PUM1: variants seen among roughly 807,000 people sequenced by gnomAD.
PUM1 encodes the protein pumilio homolog 1.
PUM1 carries 13 observed loss-of-function variants against 131.8 expected under a neutral mutation model. That is an observed-to-expected ratio of 0.10 (90% CI 0.06 to 0.16). The LOEUF (loss-of-function observed/expected upper bound fraction) is 0.16, where lower values mean the gene tolerates loss of function less well. Among genes scored for constraint, PUM1 ranks in the 10% least tolerant of loss-of-function variants. The pLI is 1.00. For missense variants in PUM1, 961 were observed against 1,512.4 expected (o/e 0.64, Z 6.05); for synonymous variants, 509 against 556.5 (o/e 0.91, Z 1.20).
chr1:31,056,262 CAAAG>C (rs993855091), intron 2 of PUM1, among the ~76,000 whole-genome samples: 1 of 151,972 alleles, frequency 6.6e-6, no homozygotes, highest in Non-Finnish European at 1.5e-5. Flanking sequence ...ATCTTCATCC[CAAAG>C]AAAGAGAAAA....
At chr1:31,004,611 T>G (rs1642334731) in intron 5 of PUM1, among the ~76,000 whole-genome samples, 1 of 152,188 alleles carries the variant, frequency 6.6e-6, no homozygotes, top group African/African-American at 2.4e-5. Context: ...AAACCTGACC[T>G]AGGTCTCTGC....
At chr1:30,954,051 T>G in intron 14 of PUM1, 70 bp from the exon 15 acceptor site, 1 of 1,474,250 alleles carries the variant, frequency 6.8e-7, no homozygotes, top group Non-Finnish European at 9.3e-7. Context: ...AAAAAAGCAT[T>G]CCCACACCCG....
At chr1:30,975,920 T>TA (rs940435228) in intron 9 of PUM1, among the ~76,000 whole-genome samples, 117 of 151,610 alleles carry the variant, frequency 7.7e-4, no homozygotes, top group Middle Eastern at 3.4e-3. Flanking sequence ...CCATCTCTAC[T>TA]AAAAAAATAT....
chr1:30,978,185 A>G (rs1641216024), intron 9 of PUM1, among the ~76,000 whole-genome samples: 1 of 152,054 alleles, frequency 6.6e-6, no homozygotes, highest in Non-Finnish European at 1.5e-5. Context: ...AGAGGCAGAG[A>G]CTGCAGTGAG....
intron 2 of PUM1, among the ~76,000 whole-genome samples, chr1:31,046,163 G>T (rs1570346454): frequency 6.6e-6 from 1 of 151,788 alleles, no homozygotes. Context: ...AAGGTGGGCA[G>T]ATCACCTGAG....
chr1:30,967,045 A>T, intron 12 of PUM1, 122 bp downstream of exon 12: 1 of 1,199,826 alleles, frequency 8.3e-7, no homozygotes, highest in Non-Finnish European at 1.2e-6. Flanking sequence ...TTTTTGAAAC[A>T]TTACAGGGTA....
At position 30,992,653 on chromosome 1, in the gene PUM1, G is replaced by T. The variant is rs1158133157; in HGVS notation, c.895C>A (p.Pro299Thr). ...DADVKDFSRT[P>T]GNCQNSANEV... ...TTAGCAGAGTTCTGGCAATTACCAG[G>T]GGTACGGCTAAACAGAGAAAGTAAA... is the stretch of plus-strand genomic sequence containing the variant. The change falls in exon 7 of 22, where the codon CCT becomes ACT. Residue 299 changes from proline to threonine, a missense_variant. Physicochemically the swap from Pro to Thr is conservative, Grantham distance 38 (BLOSUM62 -1). Coordinates refer to ENST00000426105, the MANE Select transcript of PUM1 (RefSeq NM_001020658.2). 2 of 1,612,816 alleles carry T rather than the reference G, an allele frequency of 1.2e-6. No homozygotes were observed. Among genetic ancestry groups the T allele is most frequent in the Non-Finnish European group, 1.7e-6 (2 of 1,179,086 alleles).
intron 3 of PUM1, among the ~76,000 whole-genome samples, chr1:31,009,564 G>A (rs1642520730): frequency 6.6e-6 from 1 of 151,930 alleles, no homozygotes; most frequent in South Asian, 2.1e-4. Flanking sequence ...TCAGGAGTTC[G>A]AGACTAGAAT....
chr1:31,065,546 A>G, intron 1 of PUM1, 70 bp downstream of exon 1: 3 of 1,511,748 alleles, frequency 2.0e-6, no homozygotes, highest in East Asian at 2.6e-5. Flanking sequence ...TCAAACACCA[A>G]TATGAAGGGA....
At chr1:30,973,310 A>C (rs1203553562) in intron 10 of PUM1, among the ~76,000 whole-genome samples, 1 of 152,024 alleles carries the variant, frequency 6.6e-6, no homozygotes, top group Non-Finnish European at 1.5e-5. Flanking sequence ...TCAAGCAAAA[A>C]ATTCTTGTTT....
intron 16 of PUM1, among the ~76,000 whole-genome samples, chr1:30,950,862 A>G (rs1213265701): frequency 2.0e-5 from 3 of 152,194 alleles, no homozygotes. Context: ...CTGTGTGTCA[A>G]AAAAAAGAAT....
chr1:31,032,510 T>C (rs914507752), intron 2 of PUM1, among the ~76,000 whole-genome samples: 1 of 152,162 alleles, frequency 6.6e-6, no homozygotes, highest in Non-Finnish European at 1.5e-5. Context: ...ATGTTTTGTT[T>C]TGTTTTTTGA....
intron 7 of PUM1, among the ~76,000 whole-genome samples, chr1:30,987,523 A>G (rs1253603699): frequency 6.6e-6 from 1 of 152,172 alleles, no homozygotes; most frequent in East Asian, 1.9e-4. Context: ...TCTAAACTGC[A>G]TTTAAGGAAA....
Position 31,047,330 on chromosome 1 carries a change from C to A in PUM1, c.363+11874G>T, listed in dbSNP as rs1643993212. ...TGAATGTAAAAAACAAAGAGGAGATCAGAAATCTCTCAAAAGGAAAAGAAA... is the reference window on the plus strand; with the variant it reads ...TGAATGTAAAAAACAAAGAGGAGATAAGAAATCTCTCAAAAGGAAAAGAAA... On this transcript the variant is annotated intron_variant, in intron 2 of 21. Transcript: ENST00000426105. 3.9e-5 allele frequency among the ~76,000 whole-genome samples: 6 copies of A among 151,950 alleles called. No homozygotes were observed. In the South Asian group the frequency reaches 1.2e-3, roughly 32 times the overall value.
At chr1:31,029,029 C>T (rs1275607331) in intron 2 of PUM1, among the ~76,000 whole-genome samples, 165 bp from the exon 3 acceptor site, 1 of 152,182 alleles carries the variant, frequency 6.6e-6, no homozygotes, top group Non-Finnish European at 1.5e-5. Flanking sequence ...TACCTTTAAC[C>T]ATCAGGGTTC....
chr1:30,948,994 C>A, intron 17 of PUM1: 2 of 427,314 alleles, frequency 4.7e-6, no homozygotes, highest in East Asian at 7.0e-5. Flanking sequence ...AGCATCGTGG[C>A]ACATACCTTT....
chr1:31,032,792 G>C (rs977774888), intron 2 of PUM1, among the ~76,000 whole-genome samples: 2 of 152,094 alleles, frequency 1.3e-5, no homozygotes, highest in African/African-American at 4.8e-5. Context: ...GGGCCATAGA[G>C]GGAGACCCTG....
At position 30,938,944 on chromosome 1, in the gene PUM1, CAGAT is replaced by C. The variant is rs1296296722; in HGVS notation, c.3243-2113_3243-2110del. Among the ~76,000 whole-genome samples, 413 of 149,562 alleles carry C rather than the reference CAGAT, an allele frequency of 2.8e-3. 2 individuals are homozygous for C. The highest frequency in any genetic ancestry group is 5.8e-3 in the South Asian group (28 of 4,798). On this transcript the variant is annotated intron_variant, in intron 20 of 21. Coordinates refer to ENST00000426105, the MANE Select transcript of PUM1 (RefSeq NM_001020658.2). ...ACAGACAGACAGACAGACAGACAGACAGATAGACAGATAGACAGATACATACATA... is the reference window on the plus strand; with the variant it reads ...ACAGACAGACAGACAGACAGACAGACAGACAGATAGACAGATACATACATA...
At chr1:31,054,909 C>T (rs910173403) in intron 2 of PUM1, among the ~76,000 whole-genome samples, 7 of 152,044 alleles carry the variant, frequency 4.6e-5, no homozygotes, top group African/African-American at 1.4e-4. Flanking sequence ...AGATCTAGAA[C>T]GTGGACACTG....
Sources: allele counts gnomAD v4.1 joint callset (sites outside exome capture counted in the v4.1 genomes callset), GRCh38; gene constraint gnomAD v4.1.1; transcripts MANE v1.5; gene names NCBI Gene and HGNC (gene_info 2026-07-23, HGNC 2026-07-21).